The following ERC2 variants were observed in gnomAD, a reference collection of about 807,000 sequenced individuals.
The protein encoded by ERC2 is ERC protein 2.
In ERC2, 42 loss-of-function variants were observed where a neutral mutation model predicts 114.8. The ratio of observed to expected loss-of-function variants is 0.37; its 90% confidence interval spans 0.29 to 0.47. The LOEUF (loss-of-function observed/expected upper bound fraction) is 0.47. ERC2 is among the 20% of genes least tolerant of loss of function. The pLI is 0.99. For missense variants in ERC2, 939 were observed against 1,150.7 expected (o/e 0.82, Z 2.66); for synonymous variants, 454 against 425.5 (o/e 1.07, Z -0.82).
chr3:55,904,103 T>C (rs536799569), intron 13 of ERC2, among the ~76,000 whole-genome samples: 1 of 152,166 alleles, frequency 6.6e-6, no homozygotes. Context: ...TTTTCAGAGG[T>C]GATGGAGAAA....
At chr3:55,810,631 T>C (rs558791410) in intron 14 of ERC2, among the ~76,000 whole-genome samples, 1 of 152,266 alleles carries the variant, frequency 6.6e-6, no homozygotes, top group East Asian at 1.9e-4. Context: ...CTGAAAGTTT[T>C]GAACTTTCAG....
chr3:56,431,215 A>G (rs1226923552), intron 2 of ERC2, among the ~76,000 whole-genome samples: 1 of 152,222 alleles, frequency 6.6e-6, no homozygotes, highest in Non-Finnish European at 1.5e-5. Context: ...CAATAGCAGA[A>G]GATTGCTCCC....
chr3:56,012,682 A>G (rs912851981), intron 8 of ERC2, among the ~76,000 whole-genome samples: 1 of 152,072 alleles, frequency 6.6e-6, no homozygotes, highest in Admixed American at 6.6e-5. Context: ...CATTGATGAC[A>G]AAAAAAATCA....
intron 14 of ERC2, among the ~76,000 whole-genome samples, chr3:55,796,742 G>T (rs13327002): frequency 6.6e-6 from 1 of 152,094 alleles, no homozygotes; most frequent in Non-Finnish European, 1.5e-5. Flanking sequence ...CTGTTTCTAT[G>T]ATAAAAATTG....
intron 13 of ERC2, among the ~76,000 whole-genome samples, chr3:55,895,109 T>C (rs1265649422): frequency 2.0e-5 from 3 of 152,208 alleles, no homozygotes; most frequent in African/African-American, 4.8e-5. Flanking sequence ...CAGTCAGATA[T>C]GAGTCAAGTT....
At chr3:55,810,608 A>G (rs530519975) in intron 14 of ERC2, among the ~76,000 whole-genome samples, 1 of 152,192 alleles carries the variant, frequency 6.6e-6, no homozygotes, top group African/African-American at 2.4e-5. Flanking sequence ...GATCACAGGC[A>G]TGTTCCACCA....
At chr3:55,920,415 A>AACACACACACAC (rs10560997) in intron 13 of ERC2, among the ~76,000 whole-genome samples, 2,195 of 146,782 alleles carry the variant, frequency 0.015, 23 homozygotes, top group East Asian at 0.023. Context: ...GGCACACTAA[A>AACACACACACAC]ACACACACAC....
At chr3:56,296,710 A>G (rs749797935) in intron 2 of ERC2, among the ~76,000 whole-genome samples, 28 of 152,180 alleles carry the variant, frequency 1.8e-4, no homozygotes, top group Admixed American at 4.6e-4. Context: ...AAGGGAAATT[A>G]TACATCTACA....
chr3:56,187,646 G>A, intron 3 of ERC2, among the ~76,000 whole-genome samples: 1 of 152,120 alleles, frequency 6.6e-6, no homozygotes, highest in Non-Finnish European at 1.5e-5. Flanking sequence ...ACCACCATGA[G>A]GCTTACTGTC....
intron 1 of ERC2, among the ~76,000 whole-genome samples, chr3:56,450,337 C>T (rs889581133): frequency 6.6e-6 from 1 of 152,240 alleles, no homozygotes; most frequent in Non-Finnish European, 1.5e-5. Context: ...GGCTGACTGT[C>T]TTCCATACTA....
chr3:55,872,794 G>T (rs1259511213), intron 14 of ERC2, among the ~76,000 whole-genome samples: 2 of 152,166 alleles, frequency 1.3e-5, no homozygotes, highest in Non-Finnish European at 2.9e-5. Context: ...ATGAGCCAGT[G>T]TTAAAACTCT....
chr3:56,290,031 C>T (rs1389494831), intron 3 of ERC2, among the ~76,000 whole-genome samples: 1 of 152,168 alleles, frequency 6.6e-6, no homozygotes, highest in Non-Finnish European at 1.5e-5. Flanking sequence ...TCACCTGAAT[C>T]TCTGAACAAG....
chr3:55,944,869 C>G (rs1355507987), intron 13 of ERC2, among the ~76,000 whole-genome samples: 1 of 152,204 alleles, frequency 6.6e-6, no homozygotes, highest in Non-Finnish European at 1.5e-5. Context: ...CTCAGTCCTA[C>G]TCGTCAACAT....
chr3:56,091,966 A>AT (rs2077817956), intron 6 of ERC2, among the ~76,000 whole-genome samples: 2 of 152,052 alleles, frequency 1.3e-5, no homozygotes, highest in South Asian at 4.2e-4. Context: ...TGACAAGAGA[A>AT]AAAAAACCTA....
At chr3:55,853,007 T>A (rs1056867736) in intron 14 of ERC2, among the ~76,000 whole-genome samples, 1 of 152,134 alleles carries the variant, frequency 6.6e-6, no homozygotes, top group Non-Finnish European at 1.5e-5. Context: ...TACCTTCTGG[T>A]TCCTCCCCAT....
intron 13 of ERC2, among the ~76,000 whole-genome samples, chr3:55,938,762 A>G (rs528615763): frequency 1.3e-5 from 2 of 152,330 alleles, no homozygotes; most frequent in African/African-American, 4.8e-5. Context: ...CTTCATTTTC[A>G]ACCCGTATAA....
chr3:55,846,918 A>G (rs2061395389), intron 14 of ERC2, among the ~76,000 whole-genome samples: 1 of 152,112 alleles, frequency 6.6e-6, no homozygotes, highest in Admixed American at 6.6e-5. Context: ...CAAGTTCCAG[A>G]CCCACTGCTT....
intron 7 of ERC2, 72 bp from the exon 8 acceptor site, chr3:56,019,103 T>A: frequency 8.4e-7 from 1 of 1,188,164 alleles, no homozygotes; most frequent in Non-Finnish European, 1.2e-6. Flanking sequence ...GAAGTGGATC[T>A]ATTAATAAAA....
chr3:56,085,323 C>T (rs772315408), intron 6 of ERC2, among the ~76,000 whole-genome samples: 3 of 152,164 alleles, frequency 2.0e-5, no homozygotes, highest in South Asian at 2.1e-4. Context: ...GGGAGGTCCC[C>T]GTAGGGGAAG....
Sources: allele counts gnomAD v4.1 joint callset (sites outside exome capture counted in the v4.1 genomes callset), GRCh38; gene constraint gnomAD v4.1.1; transcripts MANE v1.5; gene names NCBI Gene and HGNC (gene_info 2026-07-23, HGNC 2026-07-21).